Variants in MINPP1 observed in about 807,000 individuals in gnomAD.
MINPP1 encodes multiple inositol-polyphosphate phosphatase 1.
Under a neutral mutation model 46.1 loss-of-function variants are expected in MINPP1, and 28 were observed. The observed-to-expected ratio is 0.61, with a 90% CI of 0.45 to 0.83. MINPP1 has a LOEUF of 0.83. MINPP1 is among the 40% of genes least tolerant of loss of function. The pLI, the probability that MINPP1 is intolerant of heterozygous loss-of-function variation, is 0.00. For missense variants in MINPP1, 603 were observed against 610.0 expected, an observed-to-expected ratio of 0.99 and a Z score of 0.12; for synonymous variants, 268 against 249.1, an observed-to-expected ratio of 1.08 and a Z score of -0.72.
intron 4 of MINPP1, among the ~76,000 whole-genome samples, chr10:87,549,013 T>C (rs1015737364): frequency 6.6e-6 from 1 of 152,218 alleles, no homozygotes; most frequent in African/African-American, 2.4e-5. Context: ...TTTGATGGGA[T>C]GGTTTACTGT....
intron 4 of MINPP1, among the ~76,000 whole-genome samples, chr10:87,535,790 G>C (rs939263833): frequency 3.3e-5 from 5 of 152,068 alleles, no homozygotes; most frequent in African/African-American, 7.2e-5. Flanking sequence ...TTAGCCAGGC[G>C]TGGTGGCATG....
At chr10:87,536,492 A>G (rs535942215) in intron 4 of MINPP1, among the ~76,000 whole-genome samples, 71 of 152,320 alleles carry the variant, frequency 4.7e-4, no homozygotes, top group African/African-American at 9.6e-4. Context: ...ATATACGCCC[A>G]TGAAACCATC....
intron 4 of MINPP1, among the ~76,000 whole-genome samples, chr10:87,547,358 C>G (rs563550966): frequency 3.8e-3 from 582 of 152,174 alleles, no homozygotes; most frequent in Non-Finnish European, 6.1e-3. Flanking sequence ...AGAGATCTGC[C>G]CATGGCCTCC....
chr10:87,518,091 C>G (rs546181111), intron 3 of MINPP1, among the ~76,000 whole-genome samples: 1 of 151,652 alleles, frequency 6.6e-6, no homozygotes, highest in African/African-American at 2.4e-5. Flanking sequence ...TCCCGAGCAG[C>G]TGGGATTACA....
intron 4 of MINPP1, among the ~76,000 whole-genome samples, chr10:87,521,528 G>A (rs57039298): frequency 0.048 from 7,239 of 151,872 alleles, 199 homozygotes; most frequent in Middle Eastern, 0.085. Context: ...GAATGTATTG[G>A]TGCCCAAAGA....
At chr10:87,533,341 A>G (rs1851686785) in intron 4 of MINPP1, among the ~76,000 whole-genome samples, 1 of 152,166 alleles carries the variant, frequency 6.6e-6, no homozygotes, top group African/African-American at 2.4e-5. Flanking sequence ...GCATTTTATT[A>G]GGAACTTGAT....
intron 4 of MINPP1, among the ~76,000 whole-genome samples, chr10:87,542,738 C>T (rs1851833765): frequency 6.6e-6 from 1 of 152,218 alleles, no homozygotes; most frequent in Non-Finnish European, 1.5e-5. Flanking sequence ...CCTGTACAGC[C>T]TGCAGAACCG....
intron 3 of MINPP1, among the ~76,000 whole-genome samples, chr10:87,513,796 T>C (rs1851370544): frequency 6.6e-6 from 1 of 152,180 alleles, no homozygotes; most frequent in East Asian, 1.9e-4. Flanking sequence ...TAAAACAATA[T>C]AAGTTTATTA....
At chr10:87,528,954 C>T (rs139835629) in intron 4 of MINPP1, among the ~76,000 whole-genome samples, 1,705 of 152,208 alleles carry the variant, frequency 0.011, 35 homozygotes, top group African/African-American at 0.039. Context: ...ATCCCTCTAC[C>T]GTTATGTAAT....
chr10:87,524,822 TATATG>T (rs1311295113), intron 4 of MINPP1, among the ~76,000 whole-genome samples: 1 of 152,152 alleles, frequency 6.6e-6, no homozygotes, highest in Non-Finnish European at 1.5e-5. Context: ...TTTACCATCT[TATATG>T]GGTGGGGTTC....
intron 4 of MINPP1, among the ~76,000 whole-genome samples, chr10:87,548,858 A>G (rs1342309227): frequency 6.6e-6 from 1 of 152,156 alleles, no homozygotes; most frequent in Non-Finnish European, 1.5e-5. Flanking sequence ...TATAATAGAC[A>G]TTGCTCTATG....
rs1589376534 is a variant in MINPP1 at position 87,524,737 on chromosome 10, T to C, written c.1067+3568T>C. 2.0e-5 allele frequency among the ~76,000 whole-genome samples: 3 copies of C among 152,212 alleles called. No individual in the cohort carries two copies. In the Middle Eastern group the frequency reaches 0.01, roughly 518 times the overall value. ...ATTATATCTCAGGGAATAGGGAGAC[T>C]GGAGGAGAGGAAAGAGGATGGAGAA... On this transcript the variant is annotated intron_variant, in intron 4 of 4. Coordinates refer to ENST00000371996, the MANE Select transcript of MINPP1 (RefSeq NM_004897.5).
rs918243980 is a variant in MINPP1, at chr10:87,531,910, C to T, written c.1067+10741C>T. 3.3e-5 allele frequency among the ~76,000 whole-genome samples: 5 copies of T among 152,136 alleles called. No homozygotes were observed. In the South Asian group the frequency reaches 1.0e-3, roughly 32 times the overall value. ...AATCCAAAAGATTTATGGTCACGAA[C>T]ATTTTGGATAAGGAATACTCAACCT... On this transcript the variant is annotated intron_variant, in intron 4 of 4. Transcript: ENST00000371996.
At chr10:87,523,498 C>T (rs1851531867) in intron 4 of MINPP1, among the ~76,000 whole-genome samples, 2 of 143,976 alleles carry the variant, frequency 1.4e-5, no homozygotes, top group African/African-American at 5.2e-5. Flanking sequence ...CTACAGGCAC[C>T]TGCCACCACA....
intron 3 of MINPP1, among the ~76,000 whole-genome samples, chr10:87,515,968 ACAGGCATGTGC>A (rs887456219): frequency 1.3e-5 from 2 of 151,302 alleles, no homozygotes; most frequent in African/African-American, 4.9e-5. Flanking sequence ...AGCTGGGATT[ACAGGCATGTGC>A]CATCATGCCC....
intron 4 of MINPP1, among the ~76,000 whole-genome samples, chr10:87,542,313 C>G (rs1231652342): frequency 7.5e-6 from 1 of 133,890 alleles, no homozygotes; most frequent in Non-Finnish European, 1.7e-5. Flanking sequence ...TTCTCTCTCT[C>G]TCTCTTTTTT....
intron 4 of MINPP1, among the ~76,000 whole-genome samples, chr10:87,522,582 A>G (rs1267729094): frequency 6.6e-6 from 1 of 152,210 alleles, no homozygotes; most frequent in Non-Finnish European, 1.5e-5. Flanking sequence ...TTAAAAAACA[A>G]TACATACATA....
At chr10:87,529,413 A>G (rs1435618010) in intron 4 of MINPP1, among the ~76,000 whole-genome samples, 2 of 152,194 alleles carry the variant, frequency 1.3e-5, no homozygotes, top group Non-Finnish European at 2.9e-5. Flanking sequence ...GGTGGTGACA[A>G]AATCTTTCAG....
intron 4 of MINPP1, among the ~76,000 whole-genome samples, chr10:87,530,292 AT>A (rs1851639037): frequency 6.6e-6 from 1 of 152,084 alleles, no homozygotes; most frequent in Non-Finnish European, 1.5e-5. Context: ...AGGTGCTCTG[AT>A]TTTTAGAATC....
Sources: gnomAD v4.1 joint callset for allele counts (sites outside exome capture counted in the v4.1 genomes callset) on GRCh38, gnomAD v4.1.1 for gene constraint, MANE v1.5 for transcripts, NCBI Gene and HGNC (gene_info 2026-07-23, HGNC 2026-07-21) for gene names.